Variants in GPC5 observed in about 807,000 individuals in gnomAD.
The protein encoded by GPC5 is glypican-5.
In GPC5, 47 loss-of-function variants were observed where a neutral mutation model predicts 53.9. That is an observed-to-expected ratio of 0.87 (90% CI 0.69 to 1.11). The LOEUF (loss-of-function observed/expected upper bound fraction) is 1.11, where lower values mean the gene tolerates loss of function less well. Ranked by LOEUF, GPC5 falls within the 50% of genes most tolerant of loss-of-function variation. The probability of loss-of-function intolerance (pLI) is 0.00; values close to 1 mark genes in which losing one functional copy is unlikely to be tolerated. For synonymous variants in GPC5, 286 were observed against 263.3 expected, an observed-to-expected ratio of 1.09 and a Z score of -0.84; for missense variants, 748 against 713.1, an observed-to-expected ratio of 1.05 and a Z score of -0.56.
intron 7 of GPC5, among the ~76,000 whole-genome samples, chr13:92,458,893 A>G (rs1325881649): frequency 6.6e-6 from 1 of 152,156 alleles, no homozygotes; most frequent in East Asian, 1.9e-4. Flanking sequence ...TAAACACCTT[A>G]TGCAACAATG....
At chr13:91,949,548 G>A (rs1040144074) in intron 6 of GPC5, among the ~76,000 whole-genome samples, 2 of 152,172 alleles carry the variant, frequency 1.3e-5, no homozygotes, top group Non-Finnish European at 2.9e-5. Context: ...GGTATAGCTT[G>A]CTAGAGTATG....
rs1393009347 is a variant in GPC5, at chr13:91,976,474, GTC to G, written c.1401+68423_1401+68424del. Among the ~76,000 whole-genome samples the G allele has an allele frequency of 1.5e-4, 23 of 152,202 alleles. 1 individual carries two copies. In the South Asian group the frequency reaches 4.1e-3, roughly 27 times the overall value. ...GAGATGGGAGATCAGCCTCAAATCC[GTC>G]TCTCTGATGCCCTACAATTAGGAGT... On this transcript the variant is annotated intron_variant, in intron 6 of 7. Coordinates refer to ENST00000377067, the MANE Select transcript of GPC5 (RefSeq NM_004466.6).
chr13:91,671,605 T>C (rs971305274), intron 2 of GPC5, among the ~76,000 whole-genome samples: 3 of 152,026 alleles, frequency 2.0e-5, no homozygotes, highest in Non-Finnish European at 4.4e-5. Flanking sequence ...AAACCTTCCA[T>C]GCTAATGGAT....
At chr13:91,757,007 C>G (rs2037308664) in intron 5 of GPC5, among the ~76,000 whole-genome samples, 2 of 152,076 alleles carry the variant, frequency 1.3e-5, no homozygotes, top group South Asian at 4.2e-4. Context: ...GTCAATTATT[C>G]TCAAACTTAG....
chr13:91,995,448 A>C (rs2040495262), intron 6 of GPC5: 1 of 152,188 alleles, frequency 6.6e-6, no homozygotes, highest in Non-Finnish European at 1.5e-5. Context: ...CTGAGATTGA[A>C]ATATGCTTCT....
chr13:91,998,970 T>G (rs74518259), intron 6 of GPC5, among the ~76,000 whole-genome samples: 1 of 152,206 alleles, frequency 6.6e-6, no homozygotes, highest in African/African-American at 2.4e-5. Context: ...TGAGTCTTTC[T>G]TACTAGAACT....
chr13:92,392,354 GA>G (rs1467446721), intron 7 of GPC5, among the ~76,000 whole-genome samples: 1 of 152,108 alleles, frequency 6.6e-6, no homozygotes, highest in Non-Finnish European at 1.5e-5. Flanking sequence ...GCAATATGCA[GA>G]AAGTTGGAGC....
At chr13:92,148,314 A>G (rs1409476835) in intron 7 of GPC5, among the ~76,000 whole-genome samples, 1 of 152,126 alleles carries the variant, frequency 6.6e-6, no homozygotes, top group Non-Finnish European at 1.5e-5. Flanking sequence ...TGTTTATATC[A>G]GATGACAGAG....
intron 5 of GPC5, among the ~76,000 whole-genome samples, chr13:91,887,997 A>G (rs1446807763): frequency 6.6e-6 from 1 of 152,186 alleles, no homozygotes; most frequent in East Asian, 1.9e-4. Flanking sequence ...TAATGGCAGT[A>G]CCCTACTCTA....
At chr13:92,390,730 GA>G (rs1400512138) in intron 7 of GPC5, among the ~76,000 whole-genome samples, 2 of 151,562 alleles carry the variant, frequency 1.3e-5, no homozygotes, top group Non-Finnish European at 2.9e-5. Flanking sequence ...CCAAAAAAGA[GA>G]AAAAAAAGCA....
At chr13:92,570,312 A>T (rs145482868) in intron 7 of GPC5, among the ~76,000 whole-genome samples, 17 of 152,152 alleles carry the variant, frequency 1.1e-4, no homozygotes. Context: ...GAAAAAATTC[A>T]TCACAGATCA....
At chr13:92,547,140 T>G (rs1456112355) in intron 7 of GPC5, among the ~76,000 whole-genome samples, 5 of 152,160 alleles carry the variant, frequency 3.3e-5, no homozygotes, top group Non-Finnish European at 7.3e-5. Flanking sequence ...GAAAATAGAT[T>G]GGTGTCAGTG....
chr13:92,287,835 T>A (rs927326179), intron 7 of GPC5, among the ~76,000 whole-genome samples: 2 of 152,154 alleles, frequency 1.3e-5, no homozygotes, highest in African/African-American at 4.8e-5. Context: ...AGCCTGTATT[T>A]CTTTAAGTAT....
chr13:91,481,561 G>A (rs2139218135), intron 2 of GPC5, among the ~76,000 whole-genome samples: 1 of 152,254 alleles, frequency 6.6e-6, no homozygotes, highest in South Asian at 2.1e-4. Flanking sequence ...AGGCTCAGAG[G>A]TATGACTAGA....
At chr13:92,619,987 A>C (rs1884819590) in intron 7 of GPC5, among the ~76,000 whole-genome samples, 1 of 152,100 alleles carries the variant, frequency 6.6e-6, no homozygotes, top group South Asian at 2.1e-4. Flanking sequence ...ATGTCACAAC[A>C]ATCACTTTTC....
At chr13:92,669,060 G>T (rs896679822) in intron 7 of GPC5, among the ~76,000 whole-genome samples, 1 of 151,912 alleles carries the variant, frequency 6.6e-6, no homozygotes, top group African/African-American at 2.4e-5. Flanking sequence ...ACTATAATTT[G>T]AATATACAAA....
chr13:91,601,450 C>T (rs1221263882), intron 2 of GPC5, among the ~76,000 whole-genome samples: 1 of 152,172 alleles, frequency 6.6e-6, no homozygotes, highest in East Asian at 1.9e-4. Context: ...TCCCCAACCC[C>T]TGGGCCGTGG....
intron 2 of GPC5, among the ~76,000 whole-genome samples, chr13:91,507,349 G>A (rs905511630): frequency 6.6e-6 from 1 of 152,172 alleles, no homozygotes; most frequent in Non-Finnish European, 1.5e-5. Context: ...ACATACCCGA[G>A]ACTGGGTAAC....
At chr13:91,450,506 G>A (rs930827453) in intron 2 of GPC5, among the ~76,000 whole-genome samples, 4 of 152,208 alleles carry the variant, frequency 2.6e-5, no homozygotes, top group Admixed American at 1.3e-4. Flanking sequence ...AGCACATTAC[G>A]TTCAAAGGGT....
Sources: gnomAD v4.1 joint callset for allele counts (sites outside exome capture counted in the v4.1 genomes callset) on GRCh38, gnomAD v4.1.1 for gene constraint, MANE v1.5 for transcripts, NCBI Gene and HGNC (gene_info 2026-07-23, HGNC 2026-07-21) for gene names.